Variants in MTFR1 observed in about 807,000 individuals in gnomAD.
The protein encoded by MTFR1 is chondrocyte protein with a poly-proline region.
MTFR1 carries 28 observed loss-of-function variants against 38.8 expected under a neutral mutation model. That is an observed-to-expected ratio of 0.72 (90% CI 0.53 to 0.99). The LOEUF is 0.99. Ranked by LOEUF, MTFR1 falls within the 50% of genes least tolerant of loss-of-function variation. MTFR1 has a pLI of 0.00. For missense variants in MTFR1, 358 were observed against 395.5 expected (o/e 0.91, Z 0.81); for synonymous variants, 145 against 137.0 (o/e 1.06, Z -0.41).
intron 2 of MTFR1, among the ~76,000 whole-genome samples, chr8:65,676,680 CTTAGAG>C (rs1463214656): frequency 7.2e-5 from 11 of 152,038 alleles, no homozygotes; most frequent in Admixed American, 1.3e-4. Flanking sequence ...ACATATTTTT[CTTAGAG>C]TTAAATTTAT....
intron 3 of MTFR1, among the ~76,000 whole-genome samples, chr8:65,755,022 T>C (rs1331438455): frequency 6.9e-6 from 1 of 144,622 alleles, no homozygotes; most frequent in Non-Finnish European, 1.5e-5. Context: ...TTTTTTTCAC[T>C]TATTTTTTTT....
chr8:65,774,354 CTGAA>C (rs1262991762), downstream of MTFR1, among the ~76,000 whole-genome samples: 1 of 152,126 alleles, frequency 6.6e-6, no homozygotes, highest in Non-Finnish European at 1.5e-5. Flanking sequence ...TAAAATTACT[CTGAA>C]TGGTTCCCTC....
At chr8:65,734,813 C>G (rs771770774) in intron 3 of MTFR1, 1 of 1,599,426 alleles carries the variant, frequency 6.3e-7, no homozygotes, top group South Asian at 1.1e-5. Context: ...CTTTAAGTAA[C>G]AGTGCATGGC....
chr8:65,692,357 T>C (rs2129055993), intron 3 of MTFR1, among the ~76,000 whole-genome samples: 1 of 152,322 alleles, frequency 6.6e-6, no homozygotes, highest in South Asian at 2.1e-4. Flanking sequence ...TTTTTCTTTT[T>C]GAGACTGTCT....
Position 65,708,005 on chromosome 8 carries a change from A to T in MTFR1, c.927A>T (p.Arg309Ser), listed in dbSNP as rs200157793. The T allele has an allele frequency of 1.2e-4, 189 of 1,611,598 alleles. 2 individuals are homozygous for T. The East Asian group carries it at 4.2e-3, about 36-fold the overall frequency. The change falls in exon 7 of 8, where the codon AGA becomes AGT. Residue 309 changes from arginine to serine, a missense_variant. Coordinates refer to ENST00000262146, the MANE Select transcript of MTFR1 (RefSeq NM_014637.4). ...CTGAATCAGAGGCCACCTCAGAGAG[A>T]GTGTTGGTGAGTTATTTGCCCAGAT... is the stretch of plus-strand genomic sequence containing the variant. The part of the protein sequence containing the change: ...PKSESEATSE[R>S]VLFGPHMLKP...
chr8:65,679,171 A>C (rs1563444489), intron 2 of MTFR1, among the ~76,000 whole-genome samples: 1 of 152,212 alleles, frequency 6.6e-6, no homozygotes. Flanking sequence ...GTTGTAATGC[A>C]CAAATAGCAT....
intron 3 of MTFR1, among the ~76,000 whole-genome samples, chr8:65,753,804 A>C (rs901421871): frequency 1.3e-5 from 2 of 152,156 alleles, no homozygotes; most frequent in Non-Finnish European, 2.9e-5. Flanking sequence ...CCATTGTTAG[A>C]TATACGTATG....
At chr8:65,762,942 GC>G (rs781324859) in intron 3 of MTFR1, among the ~76,000 whole-genome samples, 69 of 151,656 alleles carry the variant, frequency 4.5e-4, no homozygotes, top group Non-Finnish European at 8.2e-4. Flanking sequence ...TTCGAGACCA[GC>G]CTGGGCAACA....
intron 3 of MTFR1, among the ~76,000 whole-genome samples, chr8:65,693,227 C>G (rs1233980418): frequency 6.6e-6 from 1 of 151,986 alleles, no homozygotes; most frequent in Non-Finnish European, 1.5e-5. Flanking sequence ...ATGGTGAAAC[C>G]TCATCTCTAC....
chr8:65,711,575 C>T (rs1412091478), downstream of MTFR1, among the ~76,000 whole-genome samples: 1 of 152,154 alleles, frequency 6.6e-6, no homozygotes, highest in Non-Finnish European at 1.5e-5. Flanking sequence ...CTTTCTCATC[C>T]TAGAGATTTA....
chr8:65,708,076 A>C lies in MTFR1; in HGVS notation c.933+65A>C, dbSNP rs188205552. 3.1e-6 allele frequency: 5 copies of C among 1,605,514 alleles called. No homozygotes were observed. In the African/African-American group the frequency reaches 6.7e-5, roughly 21 times the overall value. ...ATCCATCCCATTGCCAAGCACTTGC[A>C]TTTTGCAAGTGATTCACCTGTGTCA... On this transcript the variant is annotated intron_variant, in intron 7 of 7. Coordinates refer to ENST00000262146, the MANE Select transcript of MTFR1 (RefSeq NM_014637.4).
intron 3 of MTFR1, among the ~76,000 whole-genome samples, chr8:65,752,778 CTG>C (rs998764803): frequency 6.6e-6 from 1 of 152,124 alleles, no homozygotes. Context: ...ACACTCTAAA[CTG>C]TCTATGTTGA....
At chr8:65,693,272 G>A (rs1395720588) in intron 3 of MTFR1, among the ~76,000 whole-genome samples, 1 of 151,916 alleles carries the variant, frequency 6.6e-6, no homozygotes, top group Non-Finnish European at 1.5e-5. Flanking sequence ...ATGGTGGCGT[G>A]TGCCTGTAGT....
intron 3 of MTFR1, among the ~76,000 whole-genome samples, chr8:65,753,966 A>G (rs963216592): frequency 1.3e-5 from 2 of 152,002 alleles, no homozygotes; most frequent in Admixed American, 1.3e-4. Context: ...TATTATCTGC[A>G]TGGTATGTTA....
chr8:65,687,635 G>A lies in MTFR1; in HGVS notation c.165+5184G>A, dbSNP rs375481291. 5.2e-4 allele frequency among the ~76,000 whole-genome samples: 79 copies of A among 151,518 alleles called. 1 individual carries two copies. The highest frequency in any genetic ancestry group is 9.3e-4 in the Non-Finnish European group (63 of 67,872). ...GCTGGGATTACAGGCATGAGCCACCGCACCCAGCCAGAATACATTTTTAAA... is the reference window on the plus strand; with the variant it reads ...GCTGGGATTACAGGCATGAGCCACCACACCCAGCCAGAATACATTTTTAAA... On this transcript the variant is annotated intron_variant, in intron 3 of 7. Coordinates refer to ENST00000262146, the MANE Select transcript of MTFR1 (RefSeq NM_014637.4).
chr8:65,678,768 G>A (rs917747094), intron 2 of MTFR1, among the ~76,000 whole-genome samples: 2 of 151,964 alleles, frequency 1.3e-5, no homozygotes, highest in Non-Finnish European at 2.9e-5. Flanking sequence ...GGGCATGGTG[G>A]CACCTGCCTA....
At chr8:65,721,462 G>A (rs1053010766) in intron 3 of MTFR1, among the ~76,000 whole-genome samples, 1 of 152,208 alleles carries the variant, frequency 6.6e-6, no homozygotes. Flanking sequence ...GCATGAAGTG[G>A]GCAAACCATC....
At chr8:65,741,344 C>T (rs1005026160) in intron 3 of MTFR1, among the ~76,000 whole-genome samples, 1 of 152,074 alleles carries the variant, frequency 6.6e-6, no homozygotes, top group Non-Finnish European at 1.5e-5. Context: ...AAAAGACATA[C>T]TAGTCCCAAA....
intron 2 of MTFR1, among the ~76,000 whole-genome samples, chr8:65,678,781 A>G (rs926152175): frequency 2.6e-5 from 4 of 151,922 alleles, no homozygotes; most frequent in Non-Finnish European, 2.9e-5. Context: ...CCTGCCTATA[A>G]TTCTAGCTAG....
Sources: allele counts gnomAD v4.1 joint callset (sites outside exome capture counted in the v4.1 genomes callset), GRCh38; gene constraint gnomAD v4.1.1; transcripts MANE v1.5; gene names NCBI Gene and HGNC (gene_info 2026-07-23, HGNC 2026-07-21).